The following IGF2 variants were observed in gnomAD, a reference collection of about 807,000 sequenced individuals.
IGF2 encodes insulin like growth factor 2.
IGF2 carries 2 observed loss-of-function variants against 12.0 expected under a neutral mutation model. The ratio of observed to expected loss-of-function variants is 0.17; its 90% CI spans 0.07 to 0.52. The LOEUF is 0.52. Among genes scored for constraint, IGF2 ranks in the 20% least tolerant of loss-of-function variants. The pLI is 0.95. For missense variants in IGF2, 211 were observed against 268.0 expected, an observed-to-expected ratio of 0.79 and a Z score of 1.48; for synonymous variants, 105 against 110.1, an observed-to-expected ratio of 0.95 and a Z score of 0.29.
At chr11:2,140,596 C>A (rs1859505425), upstream of IGF2, 1 of 506,908 alleles carries the variant, frequency 2.0e-6, no homozygotes, top group South Asian at 1.8e-5. Flanking sequence ...CCTGCCCGCC[C>A]CACTTTGGGA....
At chr11:2,149,320 G>T in the IGF2 span, 2 of 1,612,636 alleles carry the variant, frequency 1.2e-6, no homozygotes. Flanking sequence ...AGGTTGACGT[G>T]GAGGAGGAGA....
At chr11:2,140,208 G>T, upstream of IGF2, 2 of 1,613,390 alleles carry the variant, frequency 1.2e-6, no homozygotes, top group Non-Finnish European at 1.7e-6. Context: ...CTGGATAATG[G>T]TTACCCCGTC....
chr11:2,135,240 C>G (rs1046722161), intron 2 of IGF2, 127 bp downstream of exon 2: 12 of 866,734 alleles, frequency 1.4e-5, no homozygotes, highest in Non-Finnish European at 1.5e-5. Context: ...GCGGGAAGGT[C>G]AAAGTCTCAG....
At chr11:2,142,099 G>A (rs953223190), upstream of IGF2, among the ~76,000 whole-genome samples, 2 of 151,992 alleles carry the variant, frequency 1.3e-5, no homozygotes, top group African/African-American at 4.8e-5. This position sits in a 1 kb window ranked among gnomAD's most constrained non-coding sequence, Gnocchi z 5.7. Flanking sequence ...GGATTTCTTG[G>A]GACCCAGGGA....
intron 1 of IGF2, 68 bp from the exon 2 acceptor site, chr11:2,135,597 C>A: frequency 6.9e-7 from 1 of 1,459,028 alleles, no homozygotes; most frequent in Non-Finnish European, 9.3e-7. Flanking sequence ...GGTGCCCCTC[C>A]CAAACCAAAT....
intron 1 of IGF2, chr11:2,137,356 C>A: frequency 3.3e-6 from 2 of 605,752 alleles, no homozygotes; most frequent in Non-Finnish European, 4.1e-6. Flanking sequence ...CCACCCTACC[C>A]CCCACCCCTC....
rs894804085 is a variant in IGF2, at chr11:2,130,033, G to A, written c.*2954C>T. Reference sequence around the variant, plus strand: ...CCCCCAAGAGGTCCCACAGAGCTTCGGACCTCCTGGAGACAAGGCAGGGTG... The same window carrying A: ...CCCCCAAGAGGTCCCACAGAGCTTCAGACCTCCTGGAGACAAGGCAGGGTG... On this transcript the variant is annotated 3_prime_UTR_variant, in exon 4 of 4. Coordinates refer to ENST00000416167, the MANE Select transcript of IGF2 (RefSeq NM_000612.6). 1.3e-5 allele frequency: 3 copies of A among 230,072 alleles called. No homozygotes were observed. Among genetic ancestry groups the A allele is most frequent in the Admixed American group, 1.1e-4 (2 of 17,688 alleles). 14.3% of individuals were successfully genotyped at this position (230,072 alleles called of 1,614,324 possible). A position where few individuals can be genotyped will look rare whatever the true frequency, so the allele number is the denominator to read the frequency against.
In IGF2 at chr11:2,132,236, T is replaced by C. The variant is rs1208517365; in HGVS notation, c.*751A>G. The C allele has an allele frequency of 4.9e-6, 1 of 204,020 alleles. No homozygotes were observed. The highest frequency in any genetic ancestry group is 2.3e-5 in the African/African-American group (1 of 43,602). 12.6% of individuals were successfully genotyped at this position (204,020 alleles called of 1,614,324 possible). ...GTTTTCATGCTCTGTCCTCCCCTCCTTTGGTCTTACTGGGTCCCTCTGACT... is the reference window on the plus strand; with the variant it reads ...GTTTTCATGCTCTGTCCTCCCCTCCCTTGGTCTTACTGGGTCCCTCTGACT... On this transcript the variant is annotated 3_prime_UTR_variant, in exon 4 of 4. Coordinates refer to ENST00000416167, the MANE Select transcript of IGF2 (RefSeq NM_000612.6).
intron 1 of IGF2, among the ~76,000 whole-genome samples, chr11:2,136,277 C>T (rs1297359077): frequency 3.7e-4 from 57 of 152,264 alleles, no homozygotes; most frequent in Admixed American, 3.7e-3. Flanking sequence ...CACACACACG[C>T]CCAGAGCCTC....
At chr11:2,134,536 G>A (rs1349614311) in intron 2 of IGF2, among the ~76,000 whole-genome samples, 2 of 152,260 alleles carry the variant, frequency 1.3e-5, no homozygotes, top group African/African-American at 2.4e-5. Flanking sequence ...GCTTTGAAGT[G>A]CATTTGCATC....
upstream of IGF2, chr11:2,140,010 G>T: frequency 5.6e-6 from 5 of 890,530 alleles, no homozygotes; most frequent in Non-Finnish European, 8.0e-6. Context: ...CGGAGCCCCC[G>T]CCAGGTGCGG....
At chr11:2,140,508 G>T, upstream of IGF2, 2 of 569,708 alleles carry the variant, frequency 3.5e-6, no homozygotes, top group Non-Finnish European at 6.2e-6. Context: ...GCCTCCCGGC[G>T]GAGTCCTAGG....
chr11:2,143,190 G>A (rs1859702933), upstream of IGF2, among the ~76,000 whole-genome samples: 1 of 152,166 alleles, frequency 6.6e-6, no homozygotes, highest in Non-Finnish European at 1.5e-5. Context: ...GGTATGGGAA[G>A]CAATTTTCAT....
At chr11:2,147,538 C>T in the IGF2 span, 2 of 1,022,380 alleles carry the variant, frequency 2.0e-6, no homozygotes, top group Non-Finnish European at 2.5e-6. The surrounding 1 kb of genome is among the most constrained non-coding windows in gnomAD (Gnocchi z 7.2). Flanking sequence ...CCCTCTCTGC[C>T]AGGCCTCAGG....
In IGF2 at chr11:2,130,112, C is replaced by T. The variant is rs150340979; in HGVS notation, c.*2875G>A. Reference sequence around the variant, plus strand: ...GAGAGGGGAGGGTTCCTCAAGTGTGCGGAAGGCGGCCACCCTGCCCCAGCC... The same window carrying T: ...GAGAGGGGAGGGTTCCTCAAGTGTGTGGAAGGCGGCCACCCTGCCCCAGCC... On this transcript the variant is annotated 3_prime_UTR_variant, in exon 4 of 4. Transcript: ENST00000416167. 0.012 allele frequency: 2,827 copies of T among 229,920 alleles called. 22 individuals are homozygous for T. Among genetic ancestry groups the T allele is most frequent in the Middle Eastern group, 0.022 (17 of 772 alleles). 14.2% of individuals were successfully genotyped at this position (229,920 alleles called of 1,614,324 possible).
upstream of IGF2, among the ~76,000 whole-genome samples, chr11:2,141,640 G>C (rs1409102081): frequency 1.3e-5 from 2 of 152,186 alleles, no homozygotes; most frequent in Non-Finnish European, 2.9e-5. Flanking sequence ...TTAGGGGGAA[G>C]CTGAGATTAA....
rs763531701 is a variant in IGF2, at chr11:2,132,891, C to T, written c.*96G>A. 180 of 869,356 alleles carry T rather than the reference C, an allele frequency of 2.1e-4. No individual in the cohort carries two copies. The highest frequency in any genetic ancestry group is 2.9e-4 in the Non-Finnish European group (165 of 561,858). 53.9% of individuals were successfully genotyped at this position (869,356 alleles called of 1,614,324 possible). On this transcript the variant is annotated 3_prime_UTR_variant, in exon 4 of 4. Coordinates refer to ENST00000416167, the MANE Select transcript of IGF2 (RefSeq NM_000612.6). ...GAGAAGCCCCAGGGGGACGTGGAAC[C>T]GAGAGATTTTCGGGATGGAACCTGA...
the IGF2 span, chr11:2,149,222 C>T: frequency 5.6e-6 from 9 of 1,613,430 alleles, no homozygotes; most frequent in Non-Finnish European, 7.6e-6. Flanking sequence ...CCGAAACTGC[C>T]TGGACGATGA....
chr11:2,132,103 T>C lies in IGF2; in HGVS notation c.*884A>G, dbSNP rs1472261434. 1 of 199,694 alleles carries C rather than the reference T, an allele frequency of 5.0e-6. No individual in the cohort carries two copies. Among genetic ancestry groups the C allele is most frequent in the African/African-American group, 2.5e-5 (1 of 40,148 alleles). 12.4% of individuals were successfully genotyped at this position (199,694 alleles called of 1,614,324 possible). A position where few individuals can be genotyped will look rare whatever the true frequency, so the allele number is the denominator to read the frequency against. ...ATGCGTGTGCTGTGTGTTGTGTGTGTGTAGCTGCGGGGATGCATAAAGTAT... is the reference window on the plus strand; with the variant it reads ...ATGCGTGTGCTGTGTGTTGTGTGTGCGTAGCTGCGGGGATGCATAAAGTAT... On this transcript the variant is annotated 3_prime_UTR_variant, in exon 4 of 4. Coordinates refer to ENST00000416167, the MANE Select transcript of IGF2 (RefSeq NM_000612.6).
Sources: gnomAD v4.1 joint callset for allele counts (sites outside exome capture counted in the v4.1 genomes callset) on GRCh38, gnomAD v4.1.1 for gene constraint, Gnocchi (gnomAD v3.1) non-coding constraint, MANE v1.5 for transcripts, NCBI Gene and HGNC (gene_info 2026-07-23, HGNC 2026-07-21) for gene names.